URB1: variants seen among roughly 807,000 people sequenced by gnomAD.
URB1 encodes the protein URB1 ribosome biogenesis factor, also known as nucleolar pre-ribosomal-associated protein 1.
A neutral mutation model predicts 242.3 loss-of-function variants in URB1; 197 were observed. That is an observed-to-expected ratio of 0.81 (90% CI 0.72 to 0.91). The LOEUF is 0.91. URB1 is among the 40% of genes least tolerant of loss of function. URB1 has a pLI of 0.00. For synonymous variants in URB1, 1,153 were observed against 1,201.8 expected (o/e 0.96, Z 0.84); for missense variants, 2,721 against 2,860.5 (o/e 0.95, Z 1.11).
intron 30 of URB1, among the ~76,000 whole-genome samples, chr21:32,328,377 A>G (rs1380720898): frequency 1.3e-5 from 2 of 152,222 alleles, no homozygotes; most frequent in Non-Finnish European, 2.9e-5. Flanking sequence ...GCCTCAAGTG[A>G]TCAGCTCGCC....
chr21:32,319,192 C>T (rs1252803185), intron 36 of URB1, 25 bp downstream of exon 36: 1 of 1,530,266 alleles, frequency 6.5e-7, no homozygotes, highest in Non-Finnish European at 8.8e-7. Flanking sequence ...GCCAGAAGGG[C>T]CCCCCTGGCG....
rs1159577843 is a variant in URB1, at chr21:32,344,383, T to C, written c.4257+187A>G. Among the ~76,000 whole-genome samples, 3 of 152,232 alleles carry C rather than the reference T, an allele frequency of 2.0e-5. No homozygotes were observed. The East Asian group carries it at 5.8e-4, about 29-fold the overall frequency. On this transcript the variant is annotated intron_variant, in intron 24 of 38. Transcript: ENST00000382751. ...TTGACAAAATCCAAACATCCATTCCTGATAAAAGATGGTTCATCAATTCTG... is the reference window on the plus strand; with the variant it reads ...TTGACAAAATCCAAACATCCATTCCCGATAAAAGATGGTTCATCAATTCTG...
At chr21:32,362,755 GCAT>G (rs1426544875) in intron 11 of URB1, among the ~76,000 whole-genome samples, 1 of 152,170 alleles carries the variant, frequency 6.6e-6, no homozygotes, top group Non-Finnish European at 1.5e-5. Flanking sequence ...CTGAGCCACT[GCAT>G]CCCTTCTCAC....
rs750553848 is a variant in URB1 at position 32,347,290 on chromosome 21, G to A, written c.3534C>T (p.Ser1178=). 26 of 1,551,008 alleles carry A rather than the reference G, an allele frequency of 1.7e-5. No individual in the cohort carries two copies. The African/African-American group carries it at 2.3e-4, about 14-fold the overall frequency. ...GAGCCCCCAGGCCTCTCACATACTC[G>A]GAGGACCACAGGAGCTCACCACTCT... The part of the protein sequence containing the change: ...QLQSGELLWS[S]EYVRGLGALL... Residue 1178 remains serine (S), a synonymous_variant, in exon 22 of 39, where the codon TCC becomes TCT. Transcript: ENST00000382751.
intron 21 of URB1, among the ~76,000 whole-genome samples, chr21:32,348,722 G>A (rs1320816223): frequency 6.6e-6 from 1 of 152,184 alleles, no homozygotes; most frequent in Non-Finnish European, 1.5e-5. Flanking sequence ...GCCTCACGCT[G>A]ACTGGCTAAT....
chr21:32,327,368 T>C (rs143287392), intron 30 of URB1, among the ~76,000 whole-genome samples: 7 of 152,174 alleles, frequency 4.6e-5, no homozygotes, highest in Non-Finnish European at 1.0e-4. Context: ...CCTTGAATTT[T>C]ATACCCCATC....
rs749712265 is a variant in URB1 at position 32,349,569 on chromosome 21, A to C, written c.2833-86T>G. 630 of 1,391,386 alleles carry C rather than the reference A, an allele frequency of 4.5e-4. 1 individual carries two copies. The highest frequency in any genetic ancestry group is 5.6e-4 in the Non-Finnish European group (594 of 1,058,200). 86.2% of individuals were successfully genotyped at this position (1,391,386 alleles called of 1,614,324 possible). A position where few individuals can be genotyped will look rare whatever the true frequency, so the allele number is the denominator to read the frequency against. The stretch of plus-strand genomic sequence containing the variant: ...TGACTTCCAGGGCCCGTGTTTTCAG[A>C]GCAGGAGACTCGGGAGGCAGGCTGA... On this transcript the variant is annotated intron_variant, in intron 20 of 38. Coordinates refer to ENST00000382751, the MANE Select transcript of URB1 (RefSeq NM_014825.3).
chr21:32,347,254 C>T lies in URB1; in HGVS notation c.3570G>A (p.Thr1190=), dbSNP rs1203730177. The stretch of plus-strand genomic sequence containing the variant: ...CTGTGTCCAGCTCGTCCACTGCTAG[C>T]GTGGGCAGCAGAGCCCCCAGGCCTC... ...YVRGLGALLP[T]LAVDELDTVL... is the part of the protein sequence containing the mutation. Residue 1190 remains threonine (T), a synonymous_variant, in exon 22 of 39, where the codon ACG becomes ACA. Transcript: ENST00000382751. 2.0e-5 allele frequency: 31 copies of T among 1,550,814 alleles called. No homozygotes were observed. Among genetic ancestry groups the T allele is most frequent in the East Asian group, 4.9e-5 (2 of 40,926 alleles).
chr21:32,375,321 G>A (rs1167244862), intron 6 of URB1, 77 bp downstream of exon 6: 2 of 916,856 alleles, frequency 2.2e-6, no homozygotes, highest in Non-Finnish European at 3.2e-6. Context: ...TAGCTCTACA[G>A]TCCTGTAAAA....
At chr21:32,326,605 G>A (rs761572348) in intron 30 of URB1, among the ~76,000 whole-genome samples, 1 of 152,050 alleles carries the variant, frequency 6.6e-6, no homozygotes, top group Non-Finnish European at 1.5e-5. Context: ...TGGATCTCGG[G>A]GCAGATTTCC....
At chr21:32,373,904 G>A (rs1412052451) in intron 6 of URB1, 132 bp from the exon 7 acceptor site, 7 of 982,992 alleles carry the variant, frequency 7.1e-6, no homozygotes, top group Non-Finnish European at 7.0e-6. Flanking sequence ...CAGAAAATTT[G>A]GTTTAAAAAA....
intron 34 of URB1, 135 bp from the exon 35 acceptor site, chr21:32,320,775 G>C: frequency 4.5e-6 from 3 of 672,434 alleles, no homozygotes; most frequent in Non-Finnish European, 2.6e-6. Context: ...TGCTAAGTCC[G>C]TCAGAGCGGT....
In URB1 at chr21:32,317,758, C is replaced by T. The variant is rs2032710362; in HGVS notation, c.5952G>A (p.Lys1984=). 8 of 1,551,792 alleles carry T rather than the reference C, an allele frequency of 5.2e-6. No individual in the cohort carries two copies. The highest frequency in any genetic ancestry group is 1.4e-5 in the African/African-American group (1 of 73,046). ...TGAGGTCTCTTTCAATGAGGCTCCA[C>T]TTGTGCAAGAGGACAAGGACGTCCT... ...STKDVLVLLH[K]WSLIERDLKL... is the part of the protein sequence containing the mutation. Residue 1984 remains lysine (K), a synonymous_variant, in exon 37 of 39, where the codon AAG becomes AAA. Coordinates refer to ENST00000382751, the MANE Select transcript of URB1 (RefSeq NM_014825.3).
chr21:32,357,453 C>G, intron 15 of URB1, 84 bp downstream of exon 15: 2 of 1,266,726 alleles, frequency 1.6e-6, no homozygotes, highest in Non-Finnish European at 2.0e-6. Flanking sequence ...CTCCTGAATT[C>G]AATAACTGTT....
chr21:32,319,580 G>A (rs1182441684), intron 35 of URB1, among the ~76,000 whole-genome samples, 166 bp from the exon 36 acceptor site: 2 of 152,182 alleles, frequency 1.3e-5, no homozygotes, highest in Non-Finnish European at 2.9e-5. Flanking sequence ...AGGACAAGGT[G>A]CACCGTCCTA....
intron 1 of URB1, among the ~76,000 whole-genome samples, chr21:32,387,965 AG>A (rs1166754837): frequency 6.6e-6 from 1 of 152,268 alleles, no homozygotes; most frequent in Non-Finnish European, 1.5e-5. Context: ...CATGAGGCCC[AG>A]AACAGGGCTT....
In URB1 at chr21:32,317,737, G is replaced by T; in HGVS notation, c.5973C>A (p.Asp1991Glu). 1 of 1,551,872 alleles carries T rather than the reference G, an allele frequency of 6.4e-7. No homozygotes were observed. Residue 1991 changes from aspartate (D) to glutamate (E), a missense_variant, in exon 37 of 39, where the codon GAC becomes GAA. Coordinates refer to ENST00000382751, the MANE Select transcript of URB1 (RefSeq NM_014825.3). Reference sequence around the variant, plus strand: ...CTCTCAGGTCTTCCTGGAGCTTGAGGTCTCTTTCAATGAGGCTCCACTTGT... The same window carrying T: ...CTCTCAGGTCTTCCTGGAGCTTGAGTTCTCTTTCAATGAGGCTCCACTTGT... ...LLHKWSLIER[D>E]LKLQEDLRAA...
chr21:32,315,154 C>T (rs2032662557), intron 38 of URB1, 55 bp from the exon 39 acceptor site: 2 of 1,434,972 alleles, frequency 1.4e-6, no homozygotes, highest in South Asian at 3.1e-5. Context: ...AGCTCGAAAA[C>T]AGGTCATCCT....
chr21:32,387,188 T>A (rs1329448656), intron 1 of URB1, among the ~76,000 whole-genome samples: 4 of 152,070 alleles, frequency 2.6e-5, no homozygotes, highest in Non-Finnish European at 5.9e-5. Flanking sequence ...CCCCTACCAC[T>A]GACACCTGAA....
Sources: gnomAD v4.1 joint callset for allele counts (sites outside exome capture counted in the v4.1 genomes callset) on GRCh38, gnomAD v4.1.1 for gene constraint, MANE v1.5 for transcripts, NCBI Gene and HGNC (gene_info 2026-07-23, HGNC 2026-07-21) for gene names.